TCP11: variants seen among roughly 807,000 people sequenced by gnomAD.
TCP11 encodes t-complex 11, also known as T-complex protein 11 homolog.
In TCP11, 34 loss-of-function variants were observed where a neutral mutation model predicts 45.0. That is an observed-to-expected ratio of 0.76 (90% CI 0.57 to 1.01). The LOEUF is 1.01. TCP11 is among the 50% of genes least tolerant of loss of function. The probability of loss-of-function intolerance (pLI) is 0.00; values close to 1 mark genes in which losing one functional copy is unlikely to be tolerated. For missense variants in TCP11, 523 were observed against 598.1 expected, an observed-to-expected ratio of 0.87 and a Z score of 1.31; for synonymous variants, 227 against 227.0, an observed-to-expected ratio of 1.00 and a Z score of 0.00.
chr6:35,140,140 TA>T lies in TCP11; in HGVS notation c.124+606del. 4 of 1,611,598 alleles carry T rather than the reference TA, an allele frequency of 2.5e-6. No homozygotes were observed. The South Asian group carries it at 4.4e-5, about 18-fold the overall frequency. ...CTAATTCAGCCGCAAAGCCTCAATC[TA>T]ATTTTTCGCATTTCAATAGTCAAGA... On this transcript the variant is annotated intron_variant, in intron 2 of 9. Coordinates refer to ENST00000311875, the MANE Select transcript of TCP11 (RefSeq NM_001370687.1).
chr6:35,130,491 C>A (rs1780289095), intron 3 of TCP11, among the ~76,000 whole-genome samples: 1 of 152,102 alleles, frequency 6.6e-6, no homozygotes, highest in Non-Finnish European at 1.5e-5. Flanking sequence ...ACAAAGAACT[C>A]TTAAAACGCA....
In TCP11 at chr6:35,136,174, T is replaced by C; in HGVS notation, c.169A>G (p.Lys57Glu). 1.2e-6 allele frequency: 2 copies of C among 1,613,688 alleles called. No individual in the cohort carries two copies. The highest frequency in any genetic ancestry group is 1.7e-6 in the Non-Finnish European group (2 of 1,179,828). ...GLTETVNEVS[K>E]LSNKIGMNCD... ...TTCATCCCAATCTTGTTGCTCAGCT[T>C]GGAAACTTCATTAACGGTTTCTGTC... is the stretch of plus-strand genomic sequence containing the variant. The change falls in exon 3 of 10, where the codon AAG becomes GAG. Residue 57 changes from lysine (K) to glutamate (E), a missense_variant. By Grantham distance (56) the Lys-to-Glu change is moderately conservative. Around this residue, in one of 2 missense-constraint regions of TCP11, gnomAD observed 225 missense variants for 210.2 expected, o/e 1.07. Transcript: ENST00000311875.
Position 35,140,693 on chromosome 6 carries a change from C to A in TCP11, c.124+54G>T, listed in dbSNP as rs1413958890. 6 of 1,132,776 alleles carry A rather than the reference C, an allele frequency of 5.3e-6. No homozygotes were observed. In the Admixed American group the frequency reaches 8.5e-5, roughly 16 times the overall value. The allele number at this position is 1,132,776 out of a possible 1,614,324, so 70.2% of individuals were successfully genotyped here. ...TTGGGGGATGGGGGGGCCTGCGGACCCCCCACACTAAGCACCCCCTAGGGG... is the reference window on the plus strand; with the variant it reads ...TTGGGGGATGGGGGGGCCTGCGGACACCCCACACTAAGCACCCCCTAGGGG... On this transcript the variant is annotated intron_variant, in intron 2 of 9. Coordinates refer to ENST00000311875, the MANE Select transcript of TCP11 (RefSeq NM_001370687.1).
intron 4 of TCP11, among the ~76,000 whole-genome samples, chr6:35,127,168 G>T (rs1779918220): frequency 6.6e-6 from 1 of 152,064 alleles, no homozygotes. Context: ...CTGACCATTG[G>T]GGGCTCCTTA....
chr6:35,123,367 T>G (rs906513812), intron 4 of TCP11, among the ~76,000 whole-genome samples: 3 of 152,150 alleles, frequency 2.0e-5, no homozygotes, highest in African/African-American at 7.2e-5. Flanking sequence ...TCAGTAAAGT[T>G]TCTAGAGTTT....
At chr6:35,138,056 A>T (rs1337639311) in intron 2 of TCP11, among the ~76,000 whole-genome samples, 4 of 152,214 alleles carry the variant, frequency 2.6e-5, no homozygotes, top group African/African-American at 9.6e-5. Flanking sequence ...ACCCCAGTTA[A>T]AATGGCTTTT....
chr6:35,128,988 T>G, intron 4 of TCP11, 74 bp downstream of exon 4: 1 of 1,567,092 alleles, frequency 6.4e-7, no homozygotes, highest in Non-Finnish European at 8.6e-7. Flanking sequence ...TCAGTTAAGA[T>G]TTGCTAGCCA....
In TCP11 at chr6:35,122,448, G is replaced by T. The variant is rs562773352; in HGVS notation, c.358-111C>A. On this transcript the variant is annotated intron_variant, in intron 4 of 9. Coordinates refer to ENST00000311875, the MANE Select transcript of TCP11 (RefSeq NM_001370687.1). ...CCAGCCTATGTTTTTTAAGGATCAAGAAGTTGGGTCCCTAAATTTCCCATG... is the reference window on the plus strand; with the variant it reads ...CCAGCCTATGTTTTTTAAGGATCAATAAGTTGGGTCCCTAAATTTCCCATG... 708 of 964,522 alleles carry T rather than the reference G, an allele frequency of 7.3e-4. 4 individuals carry two copies. In the African/African-American group the frequency reaches 9.6e-3, roughly 13 times the overall value. The allele number at this position is 964,522 out of a possible 1,614,324, so 59.7% of individuals were successfully genotyped here.
intron 3 of TCP11, 39 bp downstream of exon 3, chr6:35,136,068 C>T: frequency 6.5e-7 from 1 of 1,548,362 alleles, no homozygotes; most frequent in Middle Eastern, 1.7e-4. Flanking sequence ...AGTACCTAAG[C>T]CAGGATGAGC....
Position 35,141,188 on chromosome 6 carries a change from G to A in TCP11, c.-15+17C>T. On this transcript the variant is annotated intron_variant, in intron 1 of 9. Coordinates refer to ENST00000311875, the MANE Select transcript of TCP11 (RefSeq NM_001370687.1). ...GAAACGCCGGCCCAGGCCCGCCTCC[G>A]GCTCCCAGGCCGTCACCTCCTCCTC... 7.2e-7 allele frequency: 1 copy of A among 1,382,976 alleles called. No homozygotes were observed. The highest frequency in any genetic ancestry group is 9.3e-7 in the Non-Finnish European group (1 of 1,071,510). 85.7% of individuals were successfully genotyped at this position (1,382,976 alleles called of 1,614,324 possible).
At chr6:35,136,630 G>A (rs1219186549) in intron 2 of TCP11, among the ~76,000 whole-genome samples, 1 of 82,426 alleles carries the variant, frequency 1.2e-5, no homozygotes, top group Non-Finnish European at 2.4e-5. Context: ...TCTCCCTACA[G>A]ATAATACTCA....
chr6:35,140,911 T>C (rs1285626484), intron 1 of TCP11, 27 bp from the exon 2 acceptor site: 5 of 1,340,828 alleles, frequency 3.7e-6, no homozygotes, highest in East Asian at 7.4e-5. Context: ...GGCGTGTTGT[T>C]GGCGTCGGGG....
Position 35,120,796 on chromosome 6 carries a change from C to T in TCP11, c.715+113G>A. The T allele has an allele frequency of 7.0e-7, 1 of 1,434,234 alleles. No individual in the cohort carries two copies. The highest frequency in any genetic ancestry group is 9.5e-7 in the Non-Finnish European group (1 of 1,057,478). 88.8% of individuals were successfully genotyped at this position (1,434,234 alleles called of 1,614,324 possible). On this transcript the variant is annotated intron_variant, in intron 6 of 9. Coordinates refer to ENST00000311875, the MANE Select transcript of TCP11 (RefSeq NM_001370687.1). This position sits in a 1 kb window ranked among gnomAD's most constrained non-coding sequence, Gnocchi z 4.9. ...GATAAATGTTCCTTCTCCCTCCCTT[C>T]ACCTAATAAGCAACTTTCTATTCCT...
chr6:35,129,060 A>T lies in TCP11; in HGVS notation c.357+2T>A. On this transcript the variant is annotated splice_donor_variant, in intron 4 of 9. Transcript: ENST00000311875. LOFTEE classifies it high-confidence loss of function. ...TACATTTACAAATGGAAGGTCACTC[A>T]CCTCTTTAATTTCTTTCAGAAGTTC... is the stretch of plus-strand genomic sequence containing the variant. 6.2e-7 allele frequency: 1 copy of T among 1,613,586 alleles called. No homozygotes were observed. The highest frequency in any genetic ancestry group is 8.5e-7 in the Non-Finnish European group (1 of 1,179,858).
intron 2 of TCP11, chr6:35,139,898 ATTT>A: frequency 9.1e-7 from 1 of 1,100,500 alleles, no homozygotes; most frequent in Non-Finnish European, 1.3e-6. Context: ...AAAATTTCAA[ATTT>A]TTTTAAAAAG....
At chr6:35,122,707 G>A (rs1561993691) in intron 4 of TCP11, among the ~76,000 whole-genome samples, 1 of 152,078 alleles carries the variant, frequency 6.6e-6, no homozygotes, top group Non-Finnish European at 1.5e-5. Context: ...ACTTCAAAGG[G>A]CAAGGATGAA....
At chr6:35,118,847 C>A (rs1212127953) in intron 9 of TCP11, among the ~76,000 whole-genome samples, 1 of 152,158 alleles carries the variant, frequency 6.6e-6, no homozygotes, top group Non-Finnish European at 1.5e-5. Flanking sequence ...GGCCTCCACT[C>A]CAGCATGAGG....
intron 4 of TCP11, among the ~76,000 whole-genome samples, chr6:35,123,752 G>T (rs913698823): frequency 1.9e-4 from 28 of 149,084 alleles, no homozygotes; most frequent in African/African-American, 6.4e-4. Flanking sequence ...CTCCCAAAGT[G>T]CTGGGATTAT....
At chr6:35,133,279 T>G (rs930230186) in intron 3 of TCP11, among the ~76,000 whole-genome samples, 1 of 152,022 alleles carries the variant, frequency 6.6e-6, no homozygotes, top group African/African-American at 2.4e-5. Flanking sequence ...CAGGCTCAAG[T>G]AATCCTTCCA....
Sources: allele counts gnomAD v4.1 joint callset (sites outside exome capture counted in the v4.1 genomes callset), GRCh38; gene constraint gnomAD v4.1.1; regional missense constraint gnomAD v4.1.1; non-coding constraint Gnocchi (gnomAD v3.1); transcripts MANE v1.5; gene names NCBI Gene and HGNC (gene_info 2026-07-23, HGNC 2026-07-21).